THSD7B: variants seen among roughly 807,000 people sequenced by gnomAD.
THSD7B encodes thrombospondin type 1 domain containing 7B.
Under a neutral mutation model 213.6 loss-of-function variants are expected in THSD7B, and 138 were observed. The ratio of observed to expected loss-of-function variants is 0.65; its 90% confidence interval spans 0.56 to 0.74. The LOEUF (loss-of-function observed/expected upper bound fraction) is 0.74, where lower values mean the gene tolerates loss of function less well. THSD7B is among the 30% of genes least tolerant of loss of function. The pLI is 0.00. For synonymous variants in THSD7B, 742 were observed against 687.0 expected (o/e 1.08, Z -1.25); for missense variants, 1,931 against 1,991.5 (o/e 0.97, Z 0.58).
chr2:137,170,594 C>G (rs1013580258), intron 6 of THSD7B, 147 bp from the exon 7 acceptor site: 1 of 696,296 alleles, frequency 1.4e-6, no homozygotes, highest in African/African-American at 1.8e-5. Flanking sequence ...CATCCTCTCA[C>G]TTCACATAGA....
intron 22 of THSD7B, among the ~76,000 whole-genome samples, chr2:137,656,545 T>A (rs1683239535): frequency 6.6e-6 from 1 of 152,250 alleles, no homozygotes; most frequent in Admixed American, 6.5e-5. Context: ...ATTTTCTAGA[T>A]GTGACTACTA....
intron 15 of THSD7B, among the ~76,000 whole-genome samples, chr2:137,482,269 T>G (rs917373705): frequency 6.6e-6 from 1 of 152,106 alleles, no homozygotes; most frequent in Non-Finnish European, 1.5e-5. Flanking sequence ...AGAGGCCAAC[T>G]TTTCAAATGT....
At chr2:137,040,614 C>T (rs1211830788) in intron 2 of THSD7B, among the ~76,000 whole-genome samples, 3 of 152,058 alleles carry the variant, frequency 2.0e-5, no homozygotes, top group East Asian at 3.9e-4. Flanking sequence ...AAACTGGTCT[C>T]GAACTCCTGA....
intron 10 of THSD7B, among the ~76,000 whole-genome samples, chr2:137,263,039 G>A (rs1682489253): frequency 6.6e-6 from 1 of 152,132 alleles, no homozygotes; most frequent in Admixed American, 6.6e-5. Context: ...GATGTTTTAA[G>A]AACAGCAGTG....
chr2:136,989,121 G>A (rs533455659), intron 2 of THSD7B, among the ~76,000 whole-genome samples: 1 of 152,202 alleles, frequency 6.6e-6, no homozygotes, highest in South Asian at 2.1e-4. Flanking sequence ...AAGTCCCACA[G>A]GGAAGTCAAC....
At chr2:136,916,787 C>T (rs1467677475) in intron 2 of THSD7B, among the ~76,000 whole-genome samples, 2 of 152,168 alleles carry the variant, frequency 1.3e-5, no homozygotes, top group Non-Finnish European at 2.9e-5. Context: ...CCTCCACACT[C>T]ATAGGTAGTG....
chr2:137,376,847 T>A (rs1685668004), intron 12 of THSD7B, among the ~76,000 whole-genome samples: 1 of 152,162 alleles, frequency 6.6e-6, no homozygotes, highest in Non-Finnish European at 1.5e-5. Flanking sequence ...TTCTGAAGGA[T>A]TTTAGTCTGA....
intron 5 of THSD7B, among the ~76,000 whole-genome samples, chr2:137,125,134 C>T (rs775935814): frequency 6.6e-6 from 1 of 152,124 alleles, no homozygotes; most frequent in African/African-American, 2.4e-5. Flanking sequence ...TCATCATCTT[C>T]CCCACACCCA....
intron 12 of THSD7B, among the ~76,000 whole-genome samples, chr2:137,387,378 T>G (rs534712127): frequency 2.0e-5 from 3 of 152,220 alleles, no homozygotes; most frequent in Non-Finnish European, 2.9e-5. Flanking sequence ...GAGCTTAAGA[T>G]AGCTAAATTT....
At chr2:137,055,098 G>A (rs1046004667) in intron 2 of THSD7B, among the ~76,000 whole-genome samples, 3 of 152,226 alleles carry the variant, frequency 2.0e-5, no homozygotes, top group Admixed American at 2.0e-4. Flanking sequence ...ACGTCCCTGT[G>A]AAGGACATGA....
At chr2:137,312,821 G>A (rs1209412120) in intron 12 of THSD7B, among the ~76,000 whole-genome samples, 2 of 151,866 alleles carry the variant, frequency 1.3e-5, no homozygotes, top group African/African-American at 4.8e-5. Context: ...GCAGTTTTGA[G>A]TGAGATTCTT....
At chr2:137,537,474 T>C (rs1303440242) in intron 15 of THSD7B, among the ~76,000 whole-genome samples, 2 of 151,736 alleles carry the variant, frequency 1.3e-5, no homozygotes, top group Non-Finnish European at 3.0e-5. Context: ...TTCTGCTGAG[T>C]TTGTGAATGC....
chr2:137,288,121 G>T (rs555128627), intron 12 of THSD7B, among the ~76,000 whole-genome samples: 1 of 152,034 alleles, frequency 6.6e-6, no homozygotes, highest in Admixed American at 6.6e-5. Context: ...CATTTCTAAA[G>T]AGAACAGAAG....
At chr2:137,522,514 G>A (rs2105168521) in intron 15 of THSD7B, among the ~76,000 whole-genome samples, 1 of 152,022 alleles carries the variant, frequency 6.6e-6, no homozygotes, top group Non-Finnish European at 1.5e-5. Flanking sequence ...GGGAAAGAAA[G>A]CAATTCAGAG....
At chr2:136,847,043 G>A (rs1027617749) in intron 1 of THSD7B, among the ~76,000 whole-genome samples, 17 of 151,884 alleles carry the variant, frequency 1.1e-4, no homozygotes, top group African/African-American at 3.4e-4. Flanking sequence ...CAATCTAGAA[G>A]ACTTTTACAG....
intron 3 of THSD7B, among the ~76,000 whole-genome samples, chr2:137,070,559 T>G (rs984492460): frequency 9.2e-5 from 14 of 151,788 alleles, no homozygotes; most frequent in African/African-American, 3.4e-4. Context: ...TTATTTTTTT[T>G]TTAAATTTTA....
At chr2:136,839,492 G>T (rs1474489125) in intron 1 of THSD7B, among the ~76,000 whole-genome samples, 1 of 152,062 alleles carries the variant, frequency 6.6e-6, no homozygotes, top group Non-Finnish European at 1.5e-5. Context: ...TTTTTCTTTA[G>T]CTACAAATTC....
intron 12 of THSD7B, among the ~76,000 whole-genome samples, chr2:137,324,988 C>A (rs1284265062): frequency 6.6e-6 from 1 of 152,166 alleles, no homozygotes; most frequent in African/African-American, 2.4e-5. Flanking sequence ...ACTGGTTGTT[C>A]AGTTTCCATG....
chr2:137,030,780 G>A (rs1275950864), intron 2 of THSD7B, among the ~76,000 whole-genome samples: 2 of 152,070 alleles, frequency 1.3e-5, no homozygotes. Flanking sequence ...AAATGGGGAG[G>A]ATGGAAAGGG....
Sources: gnomAD v4.1 joint callset for allele counts (sites outside exome capture counted in the v4.1 genomes callset) on GRCh38, gnomAD v4.1.1 for gene constraint, MANE v1.5 for transcripts, NCBI Gene and HGNC (gene_info 2026-07-23, HGNC 2026-07-21) for gene names.